ARK2C: variants seen among roughly 807,000 people sequenced by gnomAD.
The protein encoded by ARK2C is arkadia (RNF111) C-terminal like ring finger ubiquitin ligase 2C, also known as E3 ubiquitin-protein ligase ARK2C.
the ARK2C span, among the ~76,000 whole-genome samples, chr18:46,374,436 C>G: frequency 6.6e-6 from 1 of 152,140 alleles, no homozygotes; most frequent in East Asian, 1.9e-4. Context: ...CCCGCCAGCC[C>G]CTGGCAGCCT....
the ARK2C span, among the ~76,000 whole-genome samples, chr18:46,443,580 C>G: frequency 3.9e-3 from 601 of 152,312 alleles, 4 homozygotes; most frequent in African/African-American, 0.013. Flanking sequence ...CTTGCCTGCT[C>G]TCTGTTCTTG....
chr18:46,462,227 C>T, the ARK2C span: 6 of 152,538 alleles, frequency 3.9e-5, no homozygotes, highest in Admixed American at 1.3e-4. Context: ...AGCTGTGAGC[C>T]CAATGCCTCT....
At chr18:46,445,702 A>T in the ARK2C span, among the ~76,000 whole-genome samples, 2 of 152,166 alleles carry the variant, frequency 1.3e-5, no homozygotes, top group African/African-American at 4.8e-5. Flanking sequence ...TCATGCAAAA[A>T]ACTAGGGAGG....
At chr18:46,350,351 A>T in the ARK2C span, among the ~76,000 whole-genome samples, 5 of 152,202 alleles carry the variant, frequency 3.3e-5, no homozygotes, top group African/African-American at 7.2e-5. Flanking sequence ...GATGGAGAAA[A>T]CAATCATCAC....
the ARK2C span, among the ~76,000 whole-genome samples, chr18:46,445,512 G>A: frequency 6.6e-6 from 1 of 152,098 alleles, no homozygotes; most frequent in Non-Finnish European, 1.5e-5. Context: ...AAGACTCAAG[G>A]GAATCTCCGT....
the ARK2C span, chr18:46,336,879 T>C: frequency 2.0e-6 from 2 of 985,264 alleles, no homozygotes; most frequent in Non-Finnish European, 2.4e-6. Context: ...GTTAAACATA[T>C]GTATTAAAAA....
the ARK2C span, among the ~76,000 whole-genome samples, chr18:46,388,912 A>C: frequency 6.6e-6 from 1 of 152,196 alleles, no homozygotes; most frequent in Non-Finnish European, 1.5e-5. Context: ...AAAAGACACG[A>C]AACATTGAAG....
the ARK2C span, chr18:46,435,171 T>G: frequency 4.1e-6 from 3 of 735,390 alleles, no homozygotes; most frequent in South Asian, 4.8e-5. Flanking sequence ...AGACTGTGGG[T>G]GCTAAGTGGG....
the ARK2C span, among the ~76,000 whole-genome samples, chr18:46,428,133 G>A: frequency 1.4e-4 from 21 of 151,690 alleles, no homozygotes; most frequent in African/African-American, 4.8e-4. Flanking sequence ...AGGGGAGGCC[G>A]GGCGCAGTGG....
At chr18:46,433,174 T>C in the ARK2C span, 1 of 1,554,052 alleles carries the variant, frequency 6.4e-7, no homozygotes, top group Non-Finnish European at 8.7e-7. Context: ...GAGATGTCTC[T>C]GTCCTTGCCT....
chr18:46,455,341 G>A, the ARK2C span, among the ~76,000 whole-genome samples: 5 of 152,150 alleles, frequency 3.3e-5, no homozygotes, highest in Admixed American at 2.6e-4. Context: ...TGTTGAGGGG[G>A]AGTGGATGGT....
At chr18:46,401,665 A>G in the ARK2C span, among the ~76,000 whole-genome samples, 1 of 152,222 alleles carries the variant, frequency 6.6e-6, no homozygotes, top group Non-Finnish European at 1.5e-5. Flanking sequence ...AACAAATTTC[A>G]GCATGCTTCA....
chr18:46,447,435 G>A, the ARK2C span: 1 of 973,362 alleles, frequency 1.0e-6, no homozygotes, highest in South Asian at 1.5e-5. Context: ...GCTGGGAGAT[G>A]TAAAGTTCCT....
At chr18:46,351,700 A>AGTTAT in the ARK2C span, among the ~76,000 whole-genome samples, 1 of 152,214 alleles carries the variant, frequency 6.6e-6, no homozygotes, top group African/African-American at 2.4e-5. Flanking sequence ...CTGAAAGATA[A>AGTTAT]CTTAGACAGT....
chr18:46,344,428 C>T, the ARK2C span, among the ~76,000 whole-genome samples: 1 of 151,208 alleles, frequency 6.6e-6, no homozygotes, highest in Admixed American at 6.6e-5. Flanking sequence ...CTCAAAAGCT[C>T]AGGGGCCCCC....
chr18:46,433,620 GC>G, the ARK2C span: 2 of 951,440 alleles, frequency 2.1e-6, no homozygotes, highest in African/African-American at 3.3e-5. Context: ...GGAGACGGGG[GC>G]GGGGCTACAG....
chr18:46,419,482 C>T, the ARK2C span, among the ~76,000 whole-genome samples: 1 of 152,150 alleles, frequency 6.6e-6, no homozygotes, highest in South Asian at 2.1e-4. Context: ...AGTGGGTACC[C>T]AAGTCACTCC....
At chr18:46,395,482 C>T in the ARK2C span, among the ~76,000 whole-genome samples, 7 of 152,204 alleles carry the variant, frequency 4.6e-5, no homozygotes, top group African/African-American at 7.2e-5. Context: ...TATCATCACA[C>T]GTAATCCTCA....
chr18:46,363,720 C>T, the ARK2C span, among the ~76,000 whole-genome samples: 3 of 152,194 alleles, frequency 2.0e-5, no homozygotes, highest in Non-Finnish European at 4.4e-5. Context: ...AATGAGCTGG[C>T]CTTGTAGTCC....
Sources: allele counts gnomAD v4.1 joint callset (sites outside exome capture counted in the v4.1 genomes callset), GRCh38; gene constraint gnomAD v4.1.1; transcripts MANE v1.5; gene names NCBI Gene and HGNC (gene_info 2026-07-23, HGNC 2026-07-21).